Variants in SH3KBP1 observed in about 807,000 individuals in gnomAD.
The protein encoded by SH3KBP1 is SH3 domain-containing kinase-binding protein 1.
A neutral mutation model predicts 50.1 loss-of-function variants in SH3KBP1; 8 were observed. The observed-to-expected ratio is 0.16, with a 90% CI of 0.09 to 0.29. The LOEUF (loss-of-function observed/expected upper bound fraction) is 0.29. SH3KBP1 is among the 10% of genes least tolerant of loss of function. SH3KBP1 has a pLI of 1.00. For synonymous variants in SH3KBP1, 227 were observed against 218.6 expected (o/e 1.04, Z -0.34); for missense variants, 377 against 535.2 (o/e 0.70, Z 2.92).
intron 9 of SH3KBP1, among the ~76,000 whole-genome samples, chrX:19,595,551 G>A (rs2066877271): frequency 9.0e-6 from 1 of 110,928 alleles, no homozygotes; most frequent in Admixed American, 9.5e-5. Flanking sequence ...TGATAAACTG[G>A]AACAGAGAGG....
chrX:19,798,212 G>A (rs2066779136), intron 2 of SH3KBP1, among the ~76,000 whole-genome samples: 2 of 110,540 alleles, frequency 1.8e-5, no homozygotes, highest in Admixed American at 1.9e-4. Context: ...AGCCTCCTGA[G>A]TAGCTGGGAC....
intron 13 of SH3KBP1, among the ~76,000 whole-genome samples, chrX:19,566,027 C>T (rs2065834281): frequency 9.3e-6 from 1 of 107,892 alleles, no homozygotes; most frequent in Admixed American, 9.9e-5. Context: ...CGGGTTCAAG[C>T]GATTCTCCTG....
At chrX:19,742,563 T>G (rs1009869955) in intron 3 of SH3KBP1, among the ~76,000 whole-genome samples, 3 of 111,129 alleles carry the variant, frequency 2.7e-5, no homozygotes, top group Admixed American at 9.5e-5. Context: ...AATGCGTTTT[T>G]TTTGTTTGTT....
At chrX:19,556,633 G>A (rs894352813) in intron 13 of SH3KBP1, among the ~76,000 whole-genome samples, 1 of 111,704 alleles carries the variant, frequency 9.0e-6, no homozygotes, top group African/African-American at 3.3e-5. Context: ...TTTGCAGGAC[G>A]CAAGCTGCTG....
intron 1 of SH3KBP1, among the ~76,000 whole-genome samples, chrX:19,853,968 A>G (rs1322623947): frequency 5.5e-5 from 6 of 108,590 alleles, no homozygotes; most frequent in Non-Finnish European, 9.6e-5. Flanking sequence ...CATCTAAAAA[A>G]AAAAACAACA....
chrX:19,673,270 A>G (rs1341037371), intron 6 of SH3KBP1, among the ~76,000 whole-genome samples: 2 of 111,346 alleles, frequency 1.8e-5, no homozygotes, highest in Non-Finnish European at 3.8e-5. Flanking sequence ...ATATATAAAT[A>G]AACACATATC....
intron 1 of SH3KBP1, among the ~76,000 whole-genome samples, chrX:19,843,308 C>A (rs752574562): frequency 1.2e-4 from 13 of 110,204 alleles, no homozygotes; most frequent in African/African-American, 4.3e-4. Context: ...GCGTGAGCCA[C>A]CATGCCTGGC....
At chrX:19,872,724 C>G (rs199773729) in intron 1 of SH3KBP1, among the ~76,000 whole-genome samples, 1 of 108,436 alleles carries the variant, frequency 9.2e-6, no homozygotes, top group Non-Finnish European at 1.9e-5. Context: ...TGCAGTGAGC[C>G]GAGATCGCAC....
chrX:19,755,322 T>C (rs1395691519), intron 2 of SH3KBP1, among the ~76,000 whole-genome samples: 3 of 111,865 alleles, frequency 2.7e-5, no homozygotes, highest in African/African-American at 9.8e-5. Flanking sequence ...TGAGCCAAGA[T>C]TGCGCCATCG....
At chrX:19,694,437 A>G in intron 5 of SH3KBP1, among the ~76,000 whole-genome samples, 1 of 110,950 alleles carries the variant, frequency 9.0e-6, no homozygotes, top group South Asian at 3.9e-4. Context: ...GAGCCAGAGA[A>G]GGCAACAGGA....
At chrX:19,647,046 T>C (rs1265389978) in intron 6 of SH3KBP1, among the ~76,000 whole-genome samples, 1 of 112,258 alleles carries the variant, frequency 8.9e-6, no homozygotes, top group Non-Finnish European at 1.9e-5. Flanking sequence ...ATAGTAAAAA[T>C]AGCAGCTCTC....
rs2065451508 is a variant in SH3KBP1, at chrX:19,762,087, T to C, written c.163-15646A>G. On this transcript the variant is annotated intron_variant, in intron 2 of 17. Transcript: ENST00000397821. ...GCGAAAATTAAAACTGAGGAAATTA[T>C]GACAATGAAAGAGATCAGACCTAAC... Among the ~76,000 whole-genome samples, 3 of 112,610 alleles carry C rather than the reference T, an allele frequency of 2.7e-5. No individual in the cohort carries two copies. In the Admixed American group the frequency reaches 2.8e-4, roughly 11 times the overall value.
intron 12 of SH3KBP1, among the ~76,000 whole-genome samples, chrX:19,569,393 A>G (rs2065940055): frequency 8.9e-6 from 1 of 112,246 alleles, no homozygotes; most frequent in Admixed American, 9.4e-5. Context: ...GTCCCTCTCC[A>G]GCACACGTTT....
At chrX:19,556,721 T>G (rs954701487) in intron 13 of SH3KBP1, among the ~76,000 whole-genome samples, 1 of 110,798 alleles carries the variant, frequency 9.0e-6, no homozygotes, top group Non-Finnish European at 1.9e-5. Flanking sequence ...CAGTCTGGAG[T>G]GCATGCAGTG....
chrX:19,753,036 C>G (rs983832247), intron 2 of SH3KBP1, among the ~76,000 whole-genome samples: 1 of 111,970 alleles, frequency 8.9e-6, no homozygotes, highest in Non-Finnish European at 1.9e-5. Flanking sequence ...TGCCAGATTT[C>G]TCTCTCTCCT....
intron 1 of SH3KBP1, among the ~76,000 whole-genome samples, chrX:19,869,921 C>T (rs1257977248): frequency 2.7e-5 from 3 of 112,284 alleles, no homozygotes; most frequent in African/African-American, 9.7e-5. Context: ...AAAAAATACA[C>T]TTCACACATA....
intron 6 of SH3KBP1, among the ~76,000 whole-genome samples, chrX:19,654,336 A>G (rs1454991241): frequency 8.9e-6 from 1 of 111,876 alleles, no homozygotes; most frequent in Non-Finnish European, 1.9e-5. Flanking sequence ...TCTAAGATTT[A>G]GTAGGGCCTT....
chrX:19,825,991 T>C (rs1192880616), intron 2 of SH3KBP1, among the ~76,000 whole-genome samples: 2 of 112,095 alleles, frequency 1.8e-5, no homozygotes, highest in Non-Finnish European at 3.8e-5. Context: ...AGATTATACA[T>C]ACAATGCCAG....
chrX:19,578,421 C>T (rs1478158835), intron 12 of SH3KBP1, among the ~76,000 whole-genome samples: 4 of 111,754 alleles, frequency 3.6e-5, no homozygotes, highest in Non-Finnish European at 3.8e-5. Context: ...CTCCTGGCTG[C>T]CTACTTATAA....
Sources: allele counts gnomAD v4.1 joint callset (sites outside exome capture counted in the v4.1 genomes callset), GRCh38; gene constraint gnomAD v4.1.1; transcripts MANE v1.5; gene names NCBI Gene and HGNC (gene_info 2026-07-23, HGNC 2026-07-21).